The following DYSF variants were observed in gnomAD, a reference collection of about 807,000 sequenced individuals.
DYSF encodes the protein dystrophy-associated fer-1-like 1.
In DYSF, 212 loss-of-function variants were observed where a neutral mutation model predicts 274.9. That is an observed-to-expected ratio of 0.77 (90% CI 0.69 to 0.86). The LOEUF (loss-of-function observed/expected upper bound fraction) is 0.86. DYSF is among the 40% of genes least tolerant of loss of function. DYSF has a pLI of 0.00. For missense variants in DYSF, 2,666 were observed against 2,783.2 expected (o/e 0.96, Z 0.95); for synonymous variants, 1,091 against 1,078.7 (o/e 1.01, Z -0.22).
chr2:71,683,772 G>A (rs547343709), intron 55 of DYSF, among the ~76,000 whole-genome samples: 39 of 152,234 alleles, frequency 2.6e-4, no homozygotes, highest in Non-Finnish European at 5.0e-4. Flanking sequence ...AGGCTGCTTG[G>A]GGAACTGCCC....
chr2:71,553,305 G>GCCCTGGCAAACCTGTTCCAGCTGT, intron 20 of DYSF, 117 bp downstream of exon 20: 1 of 1,477,502 alleles, frequency 6.8e-7, no homozygotes, highest in Non-Finnish European at 9.3e-7. Context: ...CCTGGTCCTG[G>GCCCTGGCAAACCTGTTCCAGCTGT]CCCTGGCAAA....
At chr2:71,674,120 C>T in intron 51 of DYSF, 77 bp from the exon 52 acceptor site, 1 of 1,389,160 alleles carries the variant, frequency 7.2e-7, no homozygotes, top group Non-Finnish European at 1.0e-6. Context: ...TCCAGGCAGC[C>T]TTCCAGGCTG....
chr2:71,477,892 T>A, intron 1 of DYSF, among the ~76,000 whole-genome samples: 1 of 152,218 alleles, frequency 6.6e-6, no homozygotes, highest in Non-Finnish European at 1.5e-5. Context: ...CAACTACATA[T>A]CTGGTTGGAT....
intron 48 of DYSF, among the ~76,000 whole-genome samples, chr2:71,668,443 C>G (rs903594207): frequency 6.6e-6 from 1 of 152,164 alleles, no homozygotes; most frequent in African/African-American, 2.4e-5. Context: ...CATAACTGAA[C>G]GGTGCTCTTT....
At position 71,665,227 on chromosome 2, in the gene DYSF, A is replaced by C; in HGVS notation, c.5240A>C (p.Gln1747Pro). The C allele has an allele frequency of 6.2e-7, 1 of 1,614,104 alleles. No homozygotes were observed. Among genetic ancestry groups the C allele is most frequent in the Non-Finnish European group, 8.5e-7 (1 of 1,180,032 alleles). ...PSQLLHLFCQ[Q>P]HRVKAPVYRT... ...CAGCTCCTCCACCTCTTCTGCCAGCAGCATAGAGTCAAGGCACCTGTGTAC... is the reference window on the plus strand; with the variant it reads ...CAGCTCCTCCACCTCTTCTGCCAGCCGCATAGAGTCAAGGCACCTGTGTAC... Residue 1747 changes from glutamine (Q) to proline (P), a missense_variant, in exon 47 of 56, where the codon CAG becomes CCG. By Grantham distance (76) the Gln-to-Pro change is moderately conservative (BLOSUM62 -1). Coordinates refer to ENST00000410020, the MANE Select transcript of DYSF (RefSeq NM_001130987.2).
At chr2:71,513,190 C>T (rs2086277669) in intron 5 of DYSF, 50 bp from the exon 6 acceptor site, 14 of 1,533,716 alleles carry the variant, frequency 9.1e-6, no homozygotes, top group Non-Finnish European at 1.2e-5. Flanking sequence ...GTTTCCTTCA[C>T]CCCAACCTCC....
intron 3 of DYSF, among the ~76,000 whole-genome samples, 159 bp from the exon 4 acceptor site, chr2:71,503,055 T>A (rs1272594596): frequency 6.6e-6 from 1 of 151,994 alleles, no homozygotes; most frequent in Admixed American, 6.5e-5. Flanking sequence ...TGCATGGTGG[T>A]GACTGGGTGT....
intron 30 of DYSF, among the ~76,000 whole-genome samples, chr2:71,589,337 A>G (rs1337165405): frequency 6.6e-6 from 1 of 152,182 alleles, no homozygotes; most frequent in Admixed American, 6.5e-5. Flanking sequence ...TGGAACAACT[A>G]AAAATTCCGT....
At chr2:71,617,099 G>A (rs1400868882) in intron 40 of DYSF, among the ~76,000 whole-genome samples, 1 of 152,178 alleles carries the variant, frequency 6.6e-6, no homozygotes, top group African/African-American at 2.4e-5. Flanking sequence ...TGCCCCCAGA[G>A]CCAGCTGGGT....
chr2:71,478,683 T>A (rs1218924583), intron 1 of DYSF, among the ~76,000 whole-genome samples: 1 of 151,992 alleles, frequency 6.6e-6, no homozygotes, highest in Non-Finnish European at 1.5e-5. Flanking sequence ...AGCTCCCCCC[T>A]CTCCCTGGAG....
In DYSF at chr2:71,484,795, C is replaced by A. The variant is rs546873526; in HGVS notation, c.239+2825C>A. On this transcript the variant is annotated intron_variant, in intron 3 of 55. Coordinates refer to ENST00000410020, the MANE Select transcript of DYSF (RefSeq NM_001130987.2). ...TGAGAGCTGTGAACATATTTTTGGC[C>A]AATTCAAGGACCAGGCTAGCCCTCA... is the stretch of plus-strand genomic sequence containing the variant. Among the ~76,000 whole-genome samples the A allele has an allele frequency of 5.1e-4, 76 of 149,480 alleles. 1 individual carries two copies. In the South Asian group the frequency reaches 0.016, roughly 31 times the overall value.
chr2:71,636,169 C>A (rs115640803), intron 41 of DYSF, among the ~76,000 whole-genome samples: 1,811 of 152,190 alleles, frequency 0.012, 30 homozygotes, highest in African/African-American at 0.041. Flanking sequence ...CGATCACAAG[C>A]GACTTTAGAA....
At chr2:71,481,412 C>T (rs1421540028) in intron 2 of DYSF, among the ~76,000 whole-genome samples, 1 of 152,220 alleles carries the variant, frequency 6.6e-6, no homozygotes, top group Non-Finnish European at 1.5e-5. Flanking sequence ...GGGTCGGATG[C>T]ACAGGGGAGC....
chr2:71,494,348 G>A (rs978165389), intron 3 of DYSF, among the ~76,000 whole-genome samples: 4 of 152,208 alleles, frequency 2.6e-5, no homozygotes, highest in African/African-American at 4.8e-5. Flanking sequence ...ACTGGGGAAC[G>A]TTAATTTCAA....
intron 40 of DYSF, among the ~76,000 whole-genome samples, chr2:71,619,867 C>T (rs939546362): frequency 1.3e-5 from 2 of 152,194 alleles, no homozygotes; most frequent in South Asian, 2.1e-4. Flanking sequence ...TGAGGCCCTC[C>T]TCAGGCTGCA....
chr2:71,603,425 G>A (rs1435419705), intron 36 of DYSF, among the ~76,000 whole-genome samples: 1 of 152,216 alleles, frequency 6.6e-6, no homozygotes, highest in Non-Finnish European at 1.5e-5. Flanking sequence ...AGGCCAGAGG[G>A]TGGGTGGCAG....
Position 71,612,778 on chromosome 2 carries a change from G to A in DYSF, c.4359G>A (p.Ala1453=), listed in dbSNP as rs371816429. The A allele has an allele frequency of 2.0e-5, 32 of 1,613,766 alleles. No individual in the cohort carries two copies. Among genetic ancestry groups the A allele is most frequent in the Middle Eastern group, 1.6e-4 (1 of 6,080 alleles). The change falls in exon 39 of 56, where the codon GCG becomes GCA. Residue 1453 remains alanine, a synonymous_variant. Coordinates refer to ENST00000410020, the MANE Select transcript of DYSF (RefSeq NM_001130987.2). The part of the protein sequence containing the change: ...LESFLCDPYS[A]ESPSPQGGPD... ...GCTTCCTGTGTGACCCCTACTCGGC[G>A]GAGAGTCCATCCCCACAGGGTGGCC...
Position 71,600,760 on chromosome 2 carries a change from G to A in DYSF, c.3815G>A (p.Arg1272Gln), listed in dbSNP as rs777460178. ...CAACCGAGTCTGGAACGGATGCCAC[G>A]GCTGGCCTGGTTCCCACTGACGAGG... ...ICQPSLERMP[R>Q]LAWFPLTRGS... The change falls in exon 34 of 56, where the codon CGG (arginine) becomes CAG (glutamine). Residue 1272 changes from arginine to glutamine, a missense_variant. Physicochemically the swap from Arg to Gln is conservative, Grantham distance 43. This residue lies in a region of DYSF where 1,460 missense variants were observed against 1,502.1 expected (regional missense o/e 0.97). Coordinates refer to ENST00000410020, the MANE Select transcript of DYSF (RefSeq NM_001130987.2). 14 of 1,613,690 alleles carry A rather than the reference G, an allele frequency of 8.7e-6. No individual in the cohort carries two copies. Among genetic ancestry groups the A allele is most frequent in the East Asian group, 2.2e-5 (1 of 44,866 alleles).
At position 71,620,619 on chromosome 2, in the gene DYSF, G is replaced by A; in HGVS notation, c.4527+10G>A. The A allele has an allele frequency of 7.1e-7, 1 of 1,415,074 alleles. No individual in the cohort carries two copies. 87.7% of individuals were successfully genotyped at this position (1,415,074 alleles called of 1,614,324 possible). ...TCCATCCAGTCCTCATGTATGTACT[G>A]TTTACTTATTTGTGGGCTCCTTGTA... On this transcript the variant is annotated intron_variant, in intron 41 of 55. Coordinates refer to ENST00000410020, the MANE Select transcript of DYSF (RefSeq NM_001130987.2).
Sources: gnomAD v4.1 joint callset for allele counts (sites outside exome capture counted in the v4.1 genomes callset) on GRCh38, gnomAD v4.1.1 for gene constraint, gnomAD v4.1.1 regional missense constraint, MANE v1.5 for transcripts, NCBI Gene and HGNC (gene_info 2026-07-23, HGNC 2026-07-21) for gene names.